The following DPY19L3 variants were observed in gnomAD, a reference collection of about 807,000 sequenced individuals.
DPY19L3 encodes the protein protein C-mannosyl-transferase DPY19L3.
A neutral mutation model predicts 92.3 loss-of-function variants in DPY19L3; 51 were observed. That is an observed-to-expected ratio of 0.55 (90% CI 0.44 to 0.70). DPY19L3 has a LOEUF of 0.70. DPY19L3 is among the 30% of genes least tolerant of loss of function. The pLI, the probability that DPY19L3 is intolerant of heterozygous loss-of-function variation, is 0.00. For missense variants in DPY19L3, 706 were observed against 855.9 expected, an observed-to-expected ratio of 0.82 and a Z score of 2.18; for synonymous variants, 309 against 315.2, an observed-to-expected ratio of 0.98 and a Z score of 0.21.
At chr19:32,459,406 G>A (rs950815381) in intron 12 of DPY19L3, among the ~76,000 whole-genome samples, 1 of 152,192 alleles carries the variant, frequency 6.6e-6, no homozygotes, top group Non-Finnish European at 1.5e-5. Context: ...TCACAGCCAC[G>A]AGAGAGCTGT....
intron 15 of DPY19L3, chr19:32,468,428 C>T: frequency 1.9e-6 from 2 of 1,042,512 alleles, no homozygotes; most frequent in Admixed American, 5.3e-5. Context: ...AATGTTTTGC[C>T]AGGTATTATC....
intron 3 of DPY19L3, among the ~76,000 whole-genome samples, chr19:32,421,751 A>G (rs770404387): frequency 5.6e-4 from 86 of 152,272 alleles, no homozygotes; most frequent in Non-Finnish European, 5.4e-4. Flanking sequence ...CACCCTGAGT[A>G]GGACCATGGG....
intron 12 of DPY19L3, 116 bp downstream of exon 12, chr19:32,458,625 AG>A: frequency 9.2e-7 from 1 of 1,085,956 alleles, no homozygotes; most frequent in Non-Finnish European, 1.3e-6. Flanking sequence ...TTCATCTTAA[AG>A]GGGGAACATA....
chr19:32,440,351 C>A (rs1040818296), intron 8 of DPY19L3, among the ~76,000 whole-genome samples: 4 of 152,132 alleles, frequency 2.6e-5, no homozygotes, highest in Non-Finnish European at 4.4e-5. Flanking sequence ...CTGAAAGTCA[C>A]ATGTGAAATA....
At chr19:32,438,253 G>A (rs889375389) in intron 6 of DPY19L3, among the ~76,000 whole-genome samples, 5 of 152,198 alleles carry the variant, frequency 3.3e-5, no homozygotes, top group East Asian at 3.9e-4. Context: ...AGCAAATTAC[G>A]TGTTATGACA....
At chr19:32,429,935 G>C (rs1465050929) in intron 3 of DPY19L3, among the ~76,000 whole-genome samples, 1 of 152,104 alleles carries the variant, frequency 6.6e-6, no homozygotes, top group Admixed American at 6.6e-5. Flanking sequence ...AAGCAATAGA[G>C]CACGTTTTCT....
At chr19:32,441,494 C>CTTTTTTTTTTTTTTT (rs11326098) in intron 8 of DPY19L3, among the ~76,000 whole-genome samples, 2 of 130,212 alleles carry the variant, frequency 1.5e-5, no homozygotes, top group Non-Finnish European at 1.6e-5. Context: ...ACATGTGTCT[C>CTTTTTTTTTTTTTTT]TTTTTTTTTT....
At chr19:32,470,781 C>CTTTTTT (rs71336911) in intron 16 of DPY19L3, among the ~76,000 whole-genome samples, 54 of 91,208 alleles carry the variant, frequency 5.9e-4, no homozygotes, top group Admixed American at 7.0e-4. Context: ...ATTCCTTTGG[C>CTTTTTT]TTTTTTTTTT....
At chr19:32,407,556 T>TA (rs1486863349) in intron 1 of DPY19L3, among the ~76,000 whole-genome samples, 1 of 152,162 alleles carries the variant, frequency 6.6e-6, no homozygotes, top group Non-Finnish European at 1.5e-5. Flanking sequence ...ACTGTGTAGT[T>TA]ACGTGACGCA....
chr19:32,424,849 G>A (rs2145444211), intron 3 of DPY19L3, among the ~76,000 whole-genome samples: 1 of 152,320 alleles, frequency 6.6e-6, no homozygotes, highest in South Asian at 2.1e-4. Flanking sequence ...TACAGCCACA[G>A]TAATCAAGAC....
chr19:32,446,310 A>C lies in DPY19L3; in HGVS notation c.855+6400A>C, dbSNP rs1387885063. On this transcript the variant is annotated intron_variant, in intron 8 of 18. Coordinates refer to ENST00000392250, the MANE Select transcript of DPY19L3 (RefSeq NM_001172774.2). ...ATGTTCAGGTAACCTACAGGAAGGC[A>C]GGAAGAAGGAAGCAGGAATTAGAAG... Among the ~76,000 whole-genome samples the C allele has an allele frequency of 2.0e-5, 3 of 152,206 alleles. No homozygotes were observed. In the East Asian group the frequency reaches 5.8e-4, roughly 29 times the overall value.
Position 32,477,321 on chromosome 19 carries a change from G to C in DPY19L3, c.1698-201G>C, listed in dbSNP as rs546652977. On this transcript the variant is annotated intron_variant, in intron 16 of 18. Transcript: ENST00000392250. ...GTAACTGAGGTTTTTGCCATTGAAA[G>C]TAATGGCAAAAACCGCAATTACTTT... Among the ~76,000 whole-genome samples, 17 of 151,966 alleles carry C rather than the reference G, an allele frequency of 1.1e-4. No individual in the cohort carries two copies. The South Asian group carries it at 2.1e-3, about 19-fold the overall frequency.
At chr19:32,463,334 G>C (rs1286561846) in intron 12 of DPY19L3, 32 bp from the exon 13 acceptor site, 4 of 1,610,868 alleles carry the variant, frequency 2.5e-6, no homozygotes, top group Non-Finnish European at 3.4e-6. Context: ...TATGTTTCCA[G>C]CTTAAATTTT....
chr19:32,444,034 CAA>C (rs61073758), intron 8 of DPY19L3, among the ~76,000 whole-genome samples: 263 of 129,888 alleles, frequency 2.0e-3, no homozygotes, highest in Middle Eastern at 0.02. Context: ...GACTCTGTCT[CAA>C]AAAAAAAAAA....
intron 16 of DPY19L3, among the ~76,000 whole-genome samples, chr19:32,471,706 G>C (rs1970363137): frequency 6.6e-6 from 1 of 152,078 alleles, no homozygotes; most frequent in South Asian, 2.1e-4. Context: ...ATTCTCAGAG[G>C]GCTTCTCTGC....
At chr19:32,425,259 G>A (rs886512582) in intron 3 of DPY19L3, among the ~76,000 whole-genome samples, 13 of 152,140 alleles carry the variant, frequency 8.5e-5, no homozygotes, top group Admixed American at 8.5e-4. Context: ...GTACTCCAAA[G>A]TACACCATCA....
At chr19:32,431,469 AAG>A (rs773378232) in intron 3 of DPY19L3, among the ~76,000 whole-genome samples, 15 of 152,158 alleles carry the variant, frequency 9.9e-5, no homozygotes, top group Non-Finnish European at 7.3e-5. Flanking sequence ...ACTGGTGTAA[AAG>A]AATCTCTAAT....
At chr19:32,456,289 G>A (rs189324806) in intron 10 of DPY19L3, among the ~76,000 whole-genome samples, 1 of 151,840 alleles carries the variant, frequency 6.6e-6, no homozygotes, top group Non-Finnish European at 1.5e-5. Flanking sequence ...TGCCCAGGCT[G>A]GTCTTAAACT....
chr19:32,411,226 AT>A lies in DPY19L3; in HGVS notation c.104-8del. 1.9e-6 allele frequency: 3 copies of A among 1,600,846 alleles called. No individual in the cohort carries two copies. The Admixed American group carries it at 5.3e-5, about 28-fold the overall frequency. On this transcript the variant is annotated splice_polypyrimidine_tract_variant and intron_variant, in intron 2 of 18. Coordinates refer to ENST00000392250, the MANE Select transcript of DPY19L3 (RefSeq NM_001172774.2). ...ACTGACTTAGTTATTTATCTGTTCC[AT>A]TTTTCCAAAAGGTTGTACCAGTAGA... is the stretch of plus-strand genomic sequence containing the variant.
Sources: allele counts gnomAD v4.1 joint callset (sites outside exome capture counted in the v4.1 genomes callset), GRCh38; gene constraint gnomAD v4.1.1; transcripts MANE v1.5; gene names NCBI Gene and HGNC (gene_info 2026-07-23, HGNC 2026-07-21).